Variants in HSD17B12 observed in about 807,000 individuals in gnomAD.
HSD17B12 encodes the protein very-long-chain 3-oxoacyl-CoA reductase.
Under a neutral mutation model 39.3 loss-of-function variants are expected in HSD17B12, and 32 were observed. The observed-to-expected ratio is 0.81, with a 90% CI of 0.61 to 1.09. The LOEUF is 1.09. Ranked by LOEUF, HSD17B12 falls within the 50% of genes least tolerant of loss-of-function variation. The pLI, the probability that HSD17B12 is intolerant of heterozygous loss-of-function variation, is 0.00. For synonymous variants in HSD17B12, 150 were observed against 146.7 expected (o/e 1.02, Z -0.16); for missense variants, 342 against 382.9 (o/e 0.89, Z 0.89).
At chr11:43,617,751 A>C in the HSD17B12 span, among the ~76,000 whole-genome samples, 1 of 152,102 alleles carries the variant, frequency 6.6e-6, no homozygotes, top group African/African-American at 2.4e-5. Context: ...CACCCCTTGC[A>C]GCAAGTGTGG....
At chr11:43,755,036 A>G (rs1950496803) in intron 3 of HSD17B12, 2 of 532,968 alleles carry the variant, frequency 3.8e-6, no homozygotes, top group Non-Finnish European at 6.6e-6. Flanking sequence ...TTCTGTGTAT[A>G]ATGCTTATAT....
intron 4 of HSD17B12, among the ~76,000 whole-genome samples, chr11:43,813,415 A>C (rs1249485483): frequency 6.6e-6 from 1 of 152,196 alleles, no homozygotes; most frequent in Non-Finnish European, 1.5e-5. Flanking sequence ...TTTTCTTGAT[A>C]TGAAGAGTGA....
chr11:43,820,937 GATT>G (rs1951176469), intron 6 of HSD17B12, among the ~76,000 whole-genome samples: 4 of 152,198 alleles, frequency 2.6e-5, no homozygotes, highest in African/African-American at 4.8e-5. Flanking sequence ...TAGGTCAGAT[GATT>G]GTAAAAATCA....
At chr11:43,629,428 T>C in the HSD17B12 span, among the ~76,000 whole-genome samples, 2 of 152,320 alleles carry the variant, frequency 1.3e-5, no homozygotes, top group Admixed American at 6.5e-5. Context: ...ATTACATTTT[T>C]GTTTGTCCTT....
At chr11:43,614,906 T>C in the HSD17B12 span, among the ~76,000 whole-genome samples, 1 of 152,202 alleles carries the variant, frequency 6.6e-6, no homozygotes, top group African/African-American at 2.4e-5. Flanking sequence ...TTTAAAGTCC[T>C]TAAATACTAA....
chr11:43,615,523 C>T, the HSD17B12 span, among the ~76,000 whole-genome samples: 2 of 152,316 alleles, frequency 1.3e-5, no homozygotes, highest in African/African-American at 4.8e-5. Flanking sequence ...ACTCCAACCT[C>T]TACCTCATCA....
At chr11:43,808,700 G>A (rs895821742) in intron 4 of HSD17B12, among the ~76,000 whole-genome samples, 4 of 152,164 alleles carry the variant, frequency 2.6e-5, no homozygotes, top group African/African-American at 7.2e-5. Context: ...GAAGTGAAAT[G>A]TTCTGTTGTG....
chr11:43,768,633 T>C (rs57057603), intron 3 of HSD17B12, among the ~76,000 whole-genome samples: 2,037 of 152,304 alleles, frequency 0.013, 64 homozygotes, highest in African/African-American at 0.044. Context: ...GACTTCAAGA[T>C]TGAAGCCACA....
Position 43,838,301 on chromosome 11 carries a change from A to C in HSD17B12, c.537-16A>C. The C allele has an allele frequency of 6.4e-7, 1 of 1,572,862 alleles. No homozygotes were observed. Among genetic ancestry groups the C allele is most frequent in the Non-Finnish European group, 8.8e-7 (1 of 1,142,710 alleles). ...TGTGGCTTCACTCCTTTTACACGGT[A>C]CATTTTCCTTTTTAGATCCAAAGGG... On this transcript the variant is annotated splice_polypyrimidine_tract_variant and intron_variant, in intron 7 of 10. Coordinates refer to ENST00000278353, the MANE Select transcript of HSD17B12 (RefSeq NM_016142.3).
At chr11:43,566,955 T>C in the HSD17B12 span, among the ~76,000 whole-genome samples, 1 of 152,270 alleles carries the variant, frequency 6.6e-6, no homozygotes, top group African/African-American at 2.4e-5. Context: ...GTAGACTCTG[T>C]CTTGCTCCCT....
At chr11:43,839,928 T>C (rs1951408511) in intron 8 of HSD17B12, 71 bp from the exon 9 acceptor site, 6 of 1,212,622 alleles carry the variant, frequency 4.9e-6, no homozygotes, top group Non-Finnish European at 7.3e-6. Flanking sequence ...TATTATTTTG[T>C]TTCCATGGCT....
chr11:43,753,230 A>G (rs911916099), intron 2 of HSD17B12, among the ~76,000 whole-genome samples: 1 of 152,116 alleles, frequency 6.6e-6, no homozygotes, highest in East Asian at 1.9e-4. Flanking sequence ...TATTTATTCA[A>G]TTAACTTCTT....
chr11:43,689,107 T>C (rs112076384), intron 1 of HSD17B12, among the ~76,000 whole-genome samples: 15 of 152,326 alleles, frequency 9.8e-5, no homozygotes, highest in African/African-American at 3.6e-4. Flanking sequence ...GTAAAAGATT[T>C]ACTAAGCAGT....
intron 4 of HSD17B12, among the ~76,000 whole-genome samples, chr11:43,799,614 G>A (rs889998265): frequency 6.6e-6 from 1 of 152,076 alleles, no homozygotes; most frequent in Admixed American, 6.5e-5. Context: ...CATTAAATCT[G>A]TTTATCCCAC....
At chr11:43,617,448 C>T in the HSD17B12 span, among the ~76,000 whole-genome samples, 1 of 152,060 alleles carries the variant, frequency 6.6e-6, no homozygotes, top group Non-Finnish European at 1.5e-5. Flanking sequence ...ATGTTTGTTT[C>T]CACATCTTTA....
intron 1 of HSD17B12, among the ~76,000 whole-genome samples, chr11:43,711,618 A>G (rs566001608): frequency 2.0e-5 from 3 of 151,788 alleles, no homozygotes; most frequent in African/African-American, 7.2e-5. Context: ...GCAGCTACAC[A>G]TGTGTACTAC....
intron 1 of HSD17B12, among the ~76,000 whole-genome samples, chr11:43,710,244 T>G (rs914610705): frequency 6.6e-6 from 1 of 152,244 alleles, no homozygotes; most frequent in African/African-American, 2.4e-5. Flanking sequence ...TGTTTCCTTA[T>G]CTTATTTTAA....
At chr11:43,590,437 CAA>C in the HSD17B12 span, among the ~76,000 whole-genome samples, 1,091 of 66,244 alleles carry the variant, frequency 0.016, 6 homozygotes, top group Non-Finnish European at 0.022. Flanking sequence ...TTAAGTTTAG[CAA>C]AAAAAAAAAA....
At chr11:43,736,252 G>A (rs748202410) in intron 1 of HSD17B12, among the ~76,000 whole-genome samples, 1 of 152,190 alleles carries the variant, frequency 6.6e-6, no homozygotes, top group African/African-American at 2.4e-5. Flanking sequence ...GCCCAGGGGA[G>A]TAACTGCCTT....
Sources: gnomAD v4.1 joint callset for allele counts (sites outside exome capture counted in the v4.1 genomes callset) on GRCh38, gnomAD v4.1.1 for gene constraint, MANE v1.5 for transcripts, NCBI Gene and HGNC (gene_info 2026-07-23, HGNC 2026-07-21) for gene names.